KSR2: variants seen among roughly 807,000 people sequenced by gnomAD.
KSR2 encodes kinase suppressor of ras 2.
A neutral mutation model predicts 107.8 loss-of-function variants in KSR2; 25 were observed. The ratio of observed to expected loss-of-function variants is 0.23; its 90% confidence interval spans 0.17 to 0.32. The LOEUF (loss-of-function observed/expected upper bound fraction) is 0.32. Among genes scored for constraint, KSR2 ranks in the 10% least tolerant of loss-of-function variants. The pLI is 1.00. For synonymous variants in KSR2, 480 were observed against 507.0 expected (o/e 0.95, Z 0.71); for missense variants, 887 against 1,268.9 (o/e 0.70, Z 4.57).
intron 5 of KSR2, among the ~76,000 whole-genome samples, chr12:117,657,968 T>G (rs367982740): frequency 2.6e-5 from 4 of 152,138 alleles, no homozygotes; most frequent in African/African-American, 9.7e-5. Flanking sequence ...AGTACAGAGA[T>G]GAGAAAAGGT....
intron 5 of KSR2, among the ~76,000 whole-genome samples, chr12:117,644,338 T>C (rs183543709): frequency 4.3e-4 from 65 of 152,282 alleles, no homozygotes; most frequent in Admixed American, 8.5e-4. Context: ...GAAGAAAAAG[T>C]TCGCAGCATC....
intron 9 of KSR2, among the ~76,000 whole-genome samples, chr12:117,547,374 G>A (rs1048078903): frequency 6.6e-6 from 1 of 152,188 alleles, no homozygotes; most frequent in African/African-American, 2.4e-5. Context: ...TGATGGTGGT[G>A]TAAAAGCTCT....
chr12:117,796,256 T>G (rs2137004919), intron 3 of KSR2, among the ~76,000 whole-genome samples: 1 of 152,286 alleles, frequency 6.6e-6, no homozygotes, highest in South Asian at 2.1e-4. Flanking sequence ...ACAAGCATTG[T>G]CTCTTACTAG....
intron 1 of KSR2, among the ~76,000 whole-genome samples, chr12:117,873,851 G>A (rs1449412427): frequency 1.3e-5 from 2 of 152,194 alleles, no homozygotes; most frequent in Non-Finnish European, 2.9e-5. Context: ...GGTGGCACCT[G>A]AAGACAGGTG....
At chr12:117,949,855 C>A (rs1896308798) in intron 1 of KSR2, among the ~76,000 whole-genome samples, 1 of 152,068 alleles carries the variant, frequency 6.6e-6, no homozygotes, top group Non-Finnish European at 1.5e-5. Context: ...TAAGTATATG[C>A]TTAAGATCTG....
chr12:117,602,183 T>C (rs1565920851), intron 5 of KSR2, among the ~76,000 whole-genome samples: 1 of 152,354 alleles, frequency 6.6e-6, no homozygotes, highest in East Asian at 1.9e-4. Context: ...GTGGTCTGTA[T>C]AAAAACAGGC....
intron 5 of KSR2, among the ~76,000 whole-genome samples, chr12:117,625,144 G>T (rs1326984725): frequency 6.6e-6 from 1 of 152,144 alleles, no homozygotes; most frequent in African/African-American, 2.4e-5. Context: ...CATGTCATCT[G>T]CAAACACGGA....
At chr12:117,940,618 C>CA (rs1248823425) in intron 1 of KSR2, among the ~76,000 whole-genome samples, 1 of 151,994 alleles carries the variant, frequency 6.6e-6, no homozygotes, top group Non-Finnish European at 1.5e-5. Flanking sequence ...CATTCAATAC[C>CA]AATTTAAAAT....
chr12:117,571,349 A>G (rs952836921), intron 7 of KSR2, among the ~76,000 whole-genome samples: 22 of 152,194 alleles, frequency 1.4e-4, no homozygotes, highest in Non-Finnish European at 4.4e-5. Context: ...AGGTGAATCC[A>G]GTCTCAGCCT....
At chr12:117,565,669 T>G (rs1878440564) in intron 7 of KSR2, among the ~76,000 whole-genome samples, 1 of 152,222 alleles carries the variant, frequency 6.6e-6, no homozygotes. Flanking sequence ...ATGTTTTACA[T>G]ATATTTTAAC....
At chr12:117,951,096 GACGGGATTTC>G (rs1354324719) in intron 1 of KSR2, among the ~76,000 whole-genome samples, 2 of 151,946 alleles carry the variant, frequency 1.3e-5, no homozygotes, top group South Asian at 2.1e-4. Flanking sequence ...TTTTAGTAGA[GACGGGATTTC>G]ACTGTGTTAG....
In KSR2 at chr12:117,498,288, C is replaced by A. The variant is rs564800110; in HGVS notation, c.2220-12597G>T. 2.6e-5 allele frequency among the ~76,000 whole-genome samples: 4 copies of A among 152,290 alleles called. No homozygotes were observed. In the East Asian group the frequency reaches 7.7e-4, roughly 29 times the overall value. ...CTCAGCTGAGACTACCCCATTCCAACTCTAGGCCTTTCCTTCCACCCCCCA... is the reference window on the plus strand; with the variant it reads ...CTCAGCTGAGACTACCCCATTCCAAATCTAGGCCTTTCCTTCCACCCCCCA... On this transcript the variant is annotated intron_variant, in intron 14 of 19. Transcript: ENST00000339824.
intron 4 of KSR2, among the ~76,000 whole-genome samples, chr12:117,723,040 G>A (rs1044363732): frequency 2.0e-5 from 3 of 152,192 alleles, no homozygotes; most frequent in African/African-American, 7.2e-5. Context: ...CCAAAGGGGT[G>A]CCATTCAGGA....
At chr12:117,729,704 C>T (rs1461011746) in intron 4 of KSR2, among the ~76,000 whole-genome samples, 1 of 152,182 alleles carries the variant, frequency 6.6e-6, no homozygotes, top group Non-Finnish European at 1.5e-5. Context: ...ACCCACCCAC[C>T]CATCCATTCA....
intron 4 of KSR2, among the ~76,000 whole-genome samples, chr12:117,709,043 C>G (rs1048110288): frequency 6.6e-6 from 1 of 152,092 alleles, no homozygotes; most frequent in Non-Finnish European, 1.5e-5. Flanking sequence ...CTACCTCCCC[C>G]TTATAAGGAC....
intron 5 of KSR2, among the ~76,000 whole-genome samples, chr12:117,586,916 ATCTCCCTTTCACAG>A (rs1880035997): frequency 6.6e-6 from 1 of 152,244 alleles, no homozygotes; most frequent in African/African-American, 2.4e-5. Context: ...AGTGAATTTC[ATCTCCCTTTCACAG>A]ATGGGAATAT....
At chr12:117,738,014 G>T (rs1357170797) in intron 4 of KSR2, among the ~76,000 whole-genome samples, 1 of 152,076 alleles carries the variant, frequency 6.6e-6, no homozygotes. Context: ...GCTCCACAGG[G>T]ACACCCTGTC....
At chr12:117,720,440 C>G in intron 4 of KSR2, among the ~76,000 whole-genome samples, 1 of 152,196 alleles carries the variant, frequency 6.6e-6, no homozygotes, top group Non-Finnish European at 1.5e-5. Flanking sequence ...TTAATAGGCT[C>G]CAGATGTTTT....
intron 11 of KSR2, 30 bp downstream of exon 11, chr12:117,531,636 G>A (rs781474585): frequency 3.1e-6 from 5 of 1,597,448 alleles, no homozygotes; most frequent in Middle Eastern, 1.7e-4. Flanking sequence ...TTGTTCAGAA[G>A]GGGCTGCTTC....
Sources: allele counts gnomAD v4.1 joint callset (sites outside exome capture counted in the v4.1 genomes callset), GRCh38; gene constraint gnomAD v4.1.1; transcripts MANE v1.5; gene names NCBI Gene and HGNC (gene_info 2026-07-23, HGNC 2026-07-21).